TNFAIP3: variants seen among roughly 807,000 people sequenced by gnomAD.
TNFAIP3 encodes TNF alpha induced protein 3.
In TNFAIP3, 9 loss-of-function variants were observed where a neutral mutation model predicts 72.4. That is an observed-to-expected ratio of 0.12 (90% CI 0.07 to 0.22). The LOEUF is 0.22. Among genes scored for constraint, TNFAIP3 ranks in the 10% least tolerant of loss-of-function variants. The probability of loss-of-function intolerance (pLI) is 1.00; values close to 1 mark genes in which losing one functional copy is unlikely to be tolerated. For synonymous variants in TNFAIP3, 339 were observed against 372.6 expected, an observed-to-expected ratio of 0.91 and a Z score of 1.04; for missense variants, 833 against 1,018.7, an observed-to-expected ratio of 0.82 and a Z score of 2.48.
At chr6:137,874,737 T>C (rs925002661) in intron 2 of TNFAIP3, 108 bp from the exon 3 acceptor site, 32 of 1,064,898 alleles carry the variant, frequency 3.0e-5, no homozygotes, top group Non-Finnish European at 4.1e-5. Flanking sequence ...AATTAAACCA[T>C]TCAGTCCCCT....
chr6:137,877,879 C>G (rs907768486), intron 6 of TNFAIP3, among the ~76,000 whole-genome samples: 3 of 152,286 alleles, frequency 2.0e-5, no homozygotes, highest in Admixed American at 6.5e-5. Flanking sequence ...TGGAGATTAG[C>G]AAATTACAGA....
intron 1 of TNFAIP3, among the ~76,000 whole-genome samples, chr6:137,870,335 C>T (rs1776017226): frequency 6.6e-6 from 1 of 152,152 alleles, no homozygotes. Flanking sequence ...GTTGCCCAGG[C>T]TAGTCTCAAA....
intron 2 of TNFAIP3, 65 bp from the exon 3 acceptor site, chr6:137,874,780 C>A (rs933456713): frequency 1.3e-6 from 2 of 1,531,316 alleles, no homozygotes; most frequent in Non-Finnish European, 1.8e-6. Flanking sequence ...ATTCTGAAAA[C>A]CTTTGCTGGG....
In TNFAIP3 at chr6:137,877,971, A is replaced by G. The variant is rs5029952; in HGVS notation, c.987-461A>G. 3.1e-3 allele frequency among the ~76,000 whole-genome samples: 471 copies of G among 152,328 alleles called. 3 individuals are homozygous for G. Among genetic ancestry groups the G allele is most frequent in the African/African-American group, 0.011 (450 of 41,568 alleles). The stretch of plus-strand genomic sequence containing the variant: ...CTGCTAATGCTGGTGGAGACTAGAC[A>G]CAAGTTTAAAGTTAGTAACAGCAAA... On this transcript the variant is annotated intron_variant, in intron 6 of 8. Transcript: ENST00000612899.
chr6:137,870,025 G>A (rs866372646), intron 1 of TNFAIP3, among the ~76,000 whole-genome samples: 98 of 152,304 alleles, frequency 6.4e-4, no homozygotes, highest in African/African-American at 2.2e-3. Flanking sequence ...GTAGATGCTG[G>A]TCTTTGCCAC....
In TNFAIP3 at chr6:137,871,374, A is replaced by G. The variant is rs1776055466; in HGVS notation, c.147A>G (p.Glu49=). Residue 49 remains glutamate (E), a synonymous_variant, in exon 2 of 9, where the codon GAA becomes GAG. Transcript: ENST00000612899. This position sits in a 1 kb window ranked among gnomAD's most constrained non-coding sequence, Gnocchi z 4.2. Reference sequence around the variant, plus strand: ...AAACCATGCACCGATACACACTGGAAATGTTCAGAACTTGCCAGTTTTGTC... The same window carrying G: ...AAACCATGCACCGATACACACTGGAGATGTTCAGAACTTGCCAGTTTTGTC... ...HFKTMHRYTL[E]MFRTCQFCPQ... is the part of the protein sequence containing the mutation. The G allele has an allele frequency of 2.5e-6, 4 of 1,614,102 alleles. No homozygotes were observed. In the African/African-American group the frequency reaches 4.0e-5, roughly 16 times the overall value.
In TNFAIP3 at chr6:137,878,737, C is replaced by G. The variant is rs940301197; in HGVS notation, c.1292C>G (p.Pro431Arg). Residue 431 changes from proline to arginine, a missense_variant, in exon 7 of 9, where the codon CCT (proline) becomes CGT (arginine). Transcript: ENST00000612899. ...LNSKPGPEGL[P>R]GMALGASRGE... ...TCCAAGCCGGGCCCTGAGGGGCTCC[C>G]TGGCATGGCGCTCGGGGCCTCTCGG... 1.5e-5 allele frequency: 24 copies of G among 1,614,006 alleles called. No individual in the cohort carries two copies. The highest frequency in any genetic ancestry group is 1.9e-5 in the Non-Finnish European group (23 of 1,180,034).
intron 6 of TNFAIP3, 52 bp downstream of exon 6, chr6:137,877,308 C>A: frequency 6.6e-7 from 1 of 1,504,396 alleles, no homozygotes; most frequent in Non-Finnish European, 8.9e-7. Flanking sequence ...CTGTCTTTAA[C>A]CTCAGCCACC....
intron 6 of TNFAIP3, among the ~76,000 whole-genome samples, chr6:137,877,603 A>G (rs986828620): frequency 1.2e-4 from 18 of 152,342 alleles, no homozygotes; most frequent in African/African-American, 4.3e-4. Context: ...TATTAAAAAG[A>G]CTAGTGAAAA....
At position 137,879,213 on chromosome 6, in the gene TNFAIP3, T is replaced by G; in HGVS notation, c.1768T>G (p.Cys590Gly). ...AGCTGGAAACGACGCCCCTGCTGGC[T>G]GCCTGTCTCAAGCTGCACGGACTCC... is the stretch of plus-strand genomic sequence containing the variant. The part of the protein sequence containing the change: ...HRAGNDAPAG[C>G]LSQAARTPGD... Residue 590 changes from cysteine (C) to glycine (G), a missense_variant, in exon 7 of 9, where the codon TGC becomes GGC. This residue lies in a region of TNFAIP3 where 587 missense variants were observed against 657.8 expected (regional missense o/e 0.89). Coordinates refer to ENST00000612899, the MANE Select transcript of TNFAIP3 (RefSeq NM_001270508.2). 1 of 1,614,154 alleles carries G rather than the reference T, an allele frequency of 6.2e-7. No individual in the cohort carries two copies. Among genetic ancestry groups the G allele is most frequent in the Non-Finnish European group, 8.5e-7 (1 of 1,180,024 alleles).
Position 137,879,254 on chromosome 6 carries a change from G to A in TNFAIP3, c.1809G>A (p.Gly603=), listed in dbSNP as rs201052251. Residue 603 remains glycine (G), a synonymous_variant, in exon 7 of 9, where the codon GGG becomes GGA. Transcript: ENST00000612899. Reference sequence around the variant, plus strand: ...CACGGACTCCTGGGGACAGGACGGGGACGAGCAAGTGCAGAAAAGCCGGCT... The same window carrying A: ...CACGGACTCCTGGGGACAGGACGGGAACGAGCAAGTGCAGAAAAGCCGGCT... The part of the protein sequence containing the change: ...QAARTPGDRT[G]TSKCRKAGCV... 3.0e-5 allele frequency: 49 copies of A among 1,614,190 alleles called. No homozygotes were observed. In the South Asian group the frequency reaches 3.2e-4, roughly 10 times the overall value.
At position 137,879,198 on chromosome 6, in the gene TNFAIP3, G is replaced by A. The variant is rs190199205; in HGVS notation, c.1753G>A (p.Asp585Asn). 22 of 1,614,130 alleles carry A rather than the reference G, an allele frequency of 1.4e-5. No individual in the cohort carries two copies. The highest frequency in any genetic ancestry group is 2.7e-5 in the African/African-American group (2 of 75,054). ...SPHSCHRAGN[D>N]APAGCLSQAA... ...GCATTCTTGCCACAGAGCTGGAAAC[G>A]ACGCCCCTGCTGGCTGCCTGTCTCA... The change falls in exon 7 of 9, where the codon GAC (aspartate) becomes AAC (asparagine). Residue 585 changes from aspartate (D) to asparagine (N), a missense_variant. Coordinates refer to ENST00000612899, the MANE Select transcript of TNFAIP3 (RefSeq NM_001270508.2).
intron 3 of TNFAIP3, 59 bp downstream of exon 3, chr6:137,875,094 C>A: frequency 6.3e-7 from 1 of 1,590,382 alleles, no homozygotes; most frequent in Non-Finnish European, 8.6e-7. Flanking sequence ...TAGGGTACCC[C>A]TGGGCGAGTC....
chr6:137,878,494 A>T lies in TNFAIP3; in HGVS notation c.1049A>T (p.Gln350Leu), dbSNP rs1419653281. ...NLVDDYFELV[Q>L]HEYKKWQENS... ...GTAGATGATTACTTTGAACTTGTTCAGCATGAGTACAAGAAATGGCAGGAA... is the reference window on the plus strand; with the variant it reads ...GTAGATGATTACTTTGAACTTGTTCTGCATGAGTACAAGAAATGGCAGGAA... The change falls in exon 7 of 9, where the codon CAG becomes CTG. Residue 350 changes from glutamine to leucine, a missense_variant. Physicochemically the swap from Gln to Leu is moderately radical, Grantham distance 113 (BLOSUM62 -2). Around this residue, in one of 2 missense-constraint regions of TNFAIP3, gnomAD observed 587 missense variants for 657.8 expected, o/e 0.89. Transcript: ENST00000612899. The T allele has an allele frequency of 6.2e-7, 1 of 1,614,274 alleles. No individual in the cohort carries two copies. The highest frequency in any genetic ancestry group is 1.7e-5 in the Admixed American group (1 of 60,036).
chr6:137,879,732 A>G (rs1390016779), intron 7 of TNFAIP3, among the ~76,000 whole-genome samples: 1 of 152,222 alleles, frequency 6.6e-6, no homozygotes, highest in African/African-American at 2.4e-5. Flanking sequence ...AACTGGAGAG[A>G]AGGAAGTCTC....
chr6:137,878,085 G>A (rs996927955), intron 6 of TNFAIP3, among the ~76,000 whole-genome samples: 3 of 152,178 alleles, frequency 2.0e-5, no homozygotes, highest in Non-Finnish European at 4.4e-5. Flanking sequence ...CTCAGAATTT[G>A]ATCTCTGAGA....
chr6:137,869,917 A>G (rs1383397002), intron 1 of TNFAIP3, among the ~76,000 whole-genome samples: 2 of 152,178 alleles, frequency 1.3e-5, no homozygotes, highest in South Asian at 2.1e-4. Flanking sequence ...ACACCCTACT[A>G]AGGGCTAGTA....
In TNFAIP3 at chr6:137,875,007, T is replaced by C. The variant is rs1272278287; in HGVS notation, c.458T>C (p.Val153Ala). The change falls in exon 3 of 9, where the codon GTT becomes GCT. Residue 153 changes from valine to alanine, a missense_variant. Physicochemically the swap from Val to Ala is moderately conservative, Grantham distance 64. This residue lies in a region of TNFAIP3 where 246 missense variants were observed against 360.9 expected (regional missense o/e 0.68). Transcript: ENST00000612899. The stretch of plus-strand genomic sequence containing the variant: ...GAGTCTCTCAAATCTCAGGAATTTG[T>C]TGAAACGGGGCTTTGCTATGATACT... ...QLESLKSQEF[V>A]ETGLCYDTRN... The C allele has an allele frequency of 3.1e-6, 5 of 1,614,234 alleles. No individual in the cohort carries two copies. In the South Asian group the frequency reaches 5.5e-5, roughly 18 times the overall value.
chr6:137,880,627 A>C (rs1023842091), intron 8 of TNFAIP3, among the ~76,000 whole-genome samples: 6 of 98,460 alleles, frequency 6.1e-5, no homozygotes, highest in Admixed American at 1.2e-4. Flanking sequence ...TAAGGAGCGA[A>C]CAGACAGAGC....
Sources: allele counts gnomAD v4.1 joint callset (sites outside exome capture counted in the v4.1 genomes callset), GRCh38; gene constraint gnomAD v4.1.1; regional missense constraint gnomAD v4.1.1; non-coding constraint Gnocchi (gnomAD v3.1); transcripts MANE v1.5; gene names NCBI Gene and HGNC (gene_info 2026-07-23, HGNC 2026-07-21).